VPS13A: variants seen among roughly 807,000 people sequenced by gnomAD.
VPS13A encodes vacuolar protein sorting 13 homolog A.
Under a neutral mutation model 390.9 loss-of-function variants are expected in VPS13A, and 264 were observed. The ratio of observed to expected loss-of-function variants is 0.68; its 90% CI spans 0.61 to 0.75. The LOEUF (loss-of-function observed/expected upper bound fraction) is 0.75, where lower values mean the gene tolerates loss of function less well. VPS13A is among the 30% of genes least tolerant of loss of function. VPS13A has a pLI of 0.00. For synonymous variants in VPS13A, 1,231 were observed against 1,227.1 expected, an observed-to-expected ratio of 1.00 and a Z score of -0.07; for missense variants, 3,409 against 3,733.9, an observed-to-expected ratio of 0.91 and a Z score of 2.27.
chr9:77,252,476 T>C, intron 22 of VPS13A, 124 bp downstream of exon 22: 1 of 848,776 alleles, frequency 1.2e-6, no homozygotes, highest in East Asian at 2.4e-5. Context: ...CTCTTCCTTG[T>C]GTGTGTGGTA....
chr9:77,314,398 T>A, intron 36 of VPS13A, 97 bp from the exon 37 acceptor site: 1 of 1,281,872 alleles, frequency 7.8e-7, no homozygotes, highest in Non-Finnish European at 1.1e-6. Context: ...TTGATGTTTG[T>A]TATAAGCAGA....
intron 71 of VPS13A, among the ~76,000 whole-genome samples, chr9:77,412,212 GAAAAAGA>G (rs1456989281): frequency 6.6e-6 from 1 of 152,080 alleles, no homozygotes; most frequent in Non-Finnish European, 1.5e-5. Flanking sequence ...CCAATCAATA[GAAAAAGA>G]GGGAATCCTC....
chr9:77,340,114 C>T, intron 48 of VPS13A, 64 bp from the exon 49 acceptor site: 5 of 1,470,480 alleles, frequency 3.4e-6, no homozygotes, highest in Non-Finnish European at 4.7e-6. Context: ...AGTAATTTAT[C>T]AGTTTAAGCA....
intron 67 of VPS13A, among the ~76,000 whole-genome samples, chr9:77,377,385 A>T (rs1833162417): frequency 6.6e-6 from 1 of 151,422 alleles, no homozygotes; most frequent in South Asian, 2.1e-4. Flanking sequence ...GCGCCCGGCT[A>T]ATTTTTTGTA....
intron 27 of VPS13A, 133 bp downstream of exon 27, chr9:77,280,371 GT>G (rs989703766): frequency 1.1e-5 from 7 of 652,062 alleles, no homozygotes; most frequent in African/African-American, 5.6e-5. Context: ...TAATACTAAG[GT>G]TTTTTTTATT....
At position 77,382,054 on chromosome 9, in the gene VPS13A, G is replaced by A; in HGVS notation, c.9156G>A (p.Arg3052=). The change falls in exon 68 of 72, where the codon AGG becomes AGA. Residue 3052 remains arginine (R), a synonymous_variant. Coordinates refer to ENST00000360280, the MANE Select transcript of VPS13A (RefSeq NM_033305.3). ...FNEDGVIRPY[R]LRDGTGNQML... ...AAGATGGAGTTATCAGACCGTACAG[G>A]TTGAGGGATGGGACTGGAAATCAAA... 2 of 1,608,414 alleles carry A rather than the reference G, an allele frequency of 1.2e-6. No homozygotes were observed. Among genetic ancestry groups the A allele is most frequent in the African/African-American group, 1.3e-5 (1 of 74,950 alleles).
At chr9:77,360,110 T>C (rs1044928172) in intron 58 of VPS13A, among the ~76,000 whole-genome samples, 1 of 152,164 alleles carries the variant, frequency 6.6e-6, no homozygotes, top group Non-Finnish European at 1.5e-5. Flanking sequence ...GTTTAAAATA[T>C]AGTTTTATTG....
chr9:77,245,565 T>C (rs1824758166), intron 19 of VPS13A, among the ~76,000 whole-genome samples: 1 of 152,200 alleles, frequency 6.6e-6, no homozygotes, highest in Admixed American at 6.5e-5. Flanking sequence ...AACCTCTATC[T>C]CACCTCACCT....
chr9:77,342,249 A>T (rs1374590862), intron 50 of VPS13A, among the ~76,000 whole-genome samples: 2 of 152,216 alleles, frequency 1.3e-5, no homozygotes, highest in Non-Finnish European at 2.9e-5. Context: ...GTGATAGTAC[A>T]GATTGAGCAT....
chr9:77,265,184 T>C (rs1484965052), intron 23 of VPS13A, among the ~76,000 whole-genome samples: 1 of 152,238 alleles, frequency 6.6e-6, no homozygotes, highest in Non-Finnish European at 1.5e-5. Flanking sequence ...GATGTGCTGC[T>C]GGATTTGGTT....
Position 77,207,249 on chromosome 9 carries a change from AT to A in VPS13A, c.385+1171del, listed in dbSNP as rs1564630518. Among the ~76,000 whole-genome samples the A allele has an allele frequency of 8.3e-4, 94 of 113,396 alleles. 6 individuals are homozygous for A. The highest frequency in any genetic ancestry group is 1.1e-3 in the Non-Finnish European group (61 of 54,228). 74.4% of individuals were successfully genotyped at this position (113,396 alleles called of 152,430 possible). On this transcript the variant is annotated intron_variant, in intron 5 of 71. Transcript: ENST00000360280. ...TATATATATATATATATATATATAT[AT>A]ATAAAACGTGTTATATGTAACATAA...
chr9:77,340,325 G>A, intron 49 of VPS13A, 43 bp downstream of exon 49: 1 of 1,601,882 alleles, frequency 6.2e-7, no homozygotes. Context: ...TATTTTAAAT[G>A]TTTCTATTAA....
chr9:77,253,383 GCT>G (rs1291366050), intron 22 of VPS13A, among the ~76,000 whole-genome samples: 1 of 152,150 alleles, frequency 6.6e-6, no homozygotes, highest in African/African-American at 2.4e-5. Context: ...TTGGCTCACT[GCT>G]ACCTCCACCT....
intron 68 of VPS13A, among the ~76,000 whole-genome samples, chr9:77,386,000 A>C (rs1833665577): frequency 6.6e-6 from 1 of 152,210 alleles, no homozygotes; most frequent in Non-Finnish European, 1.5e-5. Context: ...TTATGTATGT[A>C]AAATTTGTTT....
rs370056580 is a variant in VPS13A at position 77,342,186 on chromosome 9, C to T, written c.7026+1636C>T. Among the ~76,000 whole-genome samples the T allele has an allele frequency of 2.8e-4, 43 of 152,214 alleles. No homozygotes were observed. In the East Asian group the frequency reaches 4.2e-3, roughly 15 times the overall value. On this transcript the variant is annotated intron_variant, in intron 50 of 71. Coordinates refer to ENST00000360280, the MANE Select transcript of VPS13A (RefSeq NM_033305.3). ...GCTGAGCTGCCAGGTGTCGGAATAG[C>T]TGATTAACACAAACCACAATGAAAG...
intron 54 of VPS13A, 126 bp downstream of exon 54, chr9:77,353,767 A>T: frequency 1.1e-6 from 1 of 945,114 alleles, no homozygotes; most frequent in Non-Finnish European, 1.6e-6. Flanking sequence ...ATACTGTGGT[A>T]GTGCTAGTTT....
chr9:77,358,899 C>T (rs1467884166), intron 57 of VPS13A, among the ~76,000 whole-genome samples: 2 of 152,128 alleles, frequency 1.3e-5, no homozygotes, highest in African/African-American at 4.8e-5. Flanking sequence ...CTCCTCACTA[C>T]CCTACTTAAC....
rs139402666 is a variant in VPS13A at position 77,278,605 on chromosome 9, G to C, written c.2825-1554G>C. Among the ~76,000 whole-genome samples, 81 of 152,222 alleles carry C rather than the reference G, an allele frequency of 5.3e-4. 1 individual carries two copies. The East Asian group carries it at 0.011, about 21-fold the overall frequency. On this transcript the variant is annotated intron_variant, in intron 26 of 71. Coordinates refer to ENST00000360280, the MANE Select transcript of VPS13A (RefSeq NM_033305.3). ...TAAACAAAGTGGGAACTTTTTTAAG[G>C]CTTCAAGTGTGGCTAGCACTTGGAG...
At chr9:77,411,061 A>G (rs989123946) in intron 71 of VPS13A, among the ~76,000 whole-genome samples, 3 of 152,228 alleles carry the variant, frequency 2.0e-5, no homozygotes, top group Admixed American at 1.3e-4. Context: ...CAGCAAATGT[A>G]AAAGAACAGA....
Sources: allele counts gnomAD v4.1 joint callset (sites outside exome capture counted in the v4.1 genomes callset), GRCh38; gene constraint gnomAD v4.1.1; transcripts MANE v1.5; gene names NCBI Gene and HGNC (gene_info 2026-07-23, HGNC 2026-07-21).